Variants in DNM1L observed in about 807,000 individuals in gnomAD.
DNM1L encodes dynamin-1-like protein.
A neutral mutation model predicts 92.8 loss-of-function variants in DNM1L; 33 were observed. The observed-to-expected ratio is 0.36, with a 90% CI of 0.27 to 0.48. DNM1L has a LOEUF of 0.48. Among genes scored for constraint, DNM1L ranks in the 20% least tolerant of loss-of-function variants. DNM1L has a pLI of 0.99. For synonymous variants in DNM1L, 284 were observed against 305.0 expected (o/e 0.93, Z 0.72); for missense variants, 485 against 888.8 (o/e 0.55, Z 5.78).
rs1233977568 is a variant in DNM1L at position 32,737,159 on chromosome 12, A to G, written c.1594A>G (p.Lys532Glu). Reference protein sequence around the residue: ...RELPSAVSRDKSSKVPSALAP... With the variant: ...RELPSAVSRDESSKVPSALAP... ...ATTACCTTCAGCTGTATCACGAGAC[A>G]AGGTAAAAAAATGTTTTTAATGCAT... is the stretch of plus-strand genomic sequence containing the variant. Residue 532 changes from lysine to glutamate, a missense_variant and splice_region_variant, in exon 14 of 20, where the codon AAG becomes GAG. Physicochemically the swap from Lys to Glu is moderately conservative, Grantham distance 56. Coordinates refer to ENST00000549701, the MANE Select transcript of DNM1L (RefSeq NM_012062.5). 6.2e-7 allele frequency: 1 copy of G among 1,613,674 alleles called. No homozygotes were observed. The highest frequency in any genetic ancestry group is 1.7e-5 in the Admixed American group (1 of 60,002).
At chr12:32,736,895 A>T in intron 13 of DNM1L, 1 of 550,792 alleles carries the variant, frequency 1.8e-6, no homozygotes, top group Non-Finnish European at 3.2e-6. Flanking sequence ...TGTATCCTTC[A>T]GGTGTGTGGG....
At chr12:32,738,569 A>G (rs922416594) in intron 16 of DNM1L, among the ~76,000 whole-genome samples, 23 of 152,180 alleles carry the variant, frequency 1.5e-4, no homozygotes, top group African/African-American at 5.1e-4. Context: ...TAGATTTCAG[A>G]GATGGAATTG....
chr12:32,690,991 G>C (rs1235139058), intron 1 of DNM1L, among the ~76,000 whole-genome samples: 1 of 152,186 alleles, frequency 6.6e-6, no homozygotes, highest in East Asian at 1.9e-4. Flanking sequence ...TGTAACTTCT[G>C]TATTAGTTTG....
Position 32,708,177 on chromosome 12 carries a change from C to G in DNM1L, c.322C>G (p.Arg108Gly). Residue 108 changes from arginine to glycine, a missense_variant, in exon 4 of 20, where the codon CGA becomes GGA. Transcript: ENST00000549701. ...NKLYTDFDEI[R>G]QEIENETERI... is the part of the protein sequence containing the mutation. ...GCTTTACACGGATTTTGATGAAATT[C>G]GACAAGAAATTGAAAATGAAACAGA... 1 of 1,604,280 alleles carries G rather than the reference C, an allele frequency of 6.2e-7. No homozygotes were observed. The highest frequency in any genetic ancestry group is 8.5e-7 in the Non-Finnish European group (1 of 1,172,448).
chr12:32,699,181 T>C (rs1306755971), intron 1 of DNM1L, among the ~76,000 whole-genome samples: 1 of 152,196 alleles, frequency 6.6e-6, no homozygotes, highest in Non-Finnish European at 1.5e-5. Context: ...TCTTTGTGTG[T>C]ACATGTAAGG....
intron 1 of DNM1L, among the ~76,000 whole-genome samples, chr12:32,685,357 A>G (rs910527823): frequency 3.3e-5 from 4 of 122,208 alleles, no homozygotes; most frequent in Non-Finnish European, 6.6e-5. Context: ...TAGTGGCTGC[A>G]CCTTTTTTTT....
chr12:32,709,326 A>G (rs1439033410), intron 4 of DNM1L, among the ~76,000 whole-genome samples: 2 of 152,168 alleles, frequency 1.3e-5, no homozygotes, highest in Non-Finnish European at 2.9e-5. Flanking sequence ...TGATCATAAC[A>G]TCAGTCTGAA....
At chr12:32,742,538 G>GTTAAAAGTAGAA in intron 18 of DNM1L, 51 bp from the exon 19 acceptor site, 1 of 1,611,662 alleles carries the variant, frequency 6.2e-7, no homozygotes, top group Middle Eastern at 1.7e-4. Context: ...AGCCCAAATT[G>GTTAAAAGTAGAA]TTAAAAGTAG....
chr12:32,685,438 G>A (rs1429663679), intron 1 of DNM1L, among the ~76,000 whole-genome samples: 1 of 138,006 alleles, frequency 7.2e-6, no homozygotes, highest in Non-Finnish European at 1.5e-5. Flanking sequence ...TTGGCTTACC[G>A]CAACCTCTGC....
intron 6 of DNM1L, among the ~76,000 whole-genome samples, chr12:32,715,460 TG>T (rs1953319279): frequency 6.6e-6 from 1 of 151,934 alleles, no homozygotes; most frequent in Non-Finnish European, 1.5e-5. Context: ...AGGCTGGGCA[TG>T]GTGGCTCACA....
At chr12:32,717,239 T>A (rs1325039285) in intron 6 of DNM1L, among the ~76,000 whole-genome samples, 3 of 106,140 alleles carry the variant, frequency 2.8e-5, no homozygotes, top group African/African-American at 8.0e-5. Context: ...TTATATATAT[T>A]TTATATATAG....
intron 5 of DNM1L, among the ~76,000 whole-genome samples, chr12:32,712,226 C>G (rs1417447651): frequency 6.6e-6 from 1 of 152,062 alleles, no homozygotes; most frequent in South Asian, 2.1e-4. Context: ...GACTTAAAAC[C>G]TCTCCCATTT....
Position 32,731,625 on chromosome 12 carries a change from C to T in DNM1L, c.1356+114C>T, listed in dbSNP as rs1223777659. On this transcript the variant is annotated intron_variant, in intron 11 of 19. Transcript: ENST00000549701. This position sits in a 1 kb window ranked among gnomAD's most constrained non-coding sequence, Gnocchi z 5.1. ...GGGATACAAGGTAAAATCTGTAGTTCCCTTACCTGAAAGTGATTTGAAATA... is the reference window on the plus strand; with the variant it reads ...GGGATACAAGGTAAAATCTGTAGTTTCCTTACCTGAAAGTGATTTGAAATA... The T allele has an allele frequency of 1.1e-5, 15 of 1,339,280 alleles. No individual in the cohort carries two copies. The highest frequency in any genetic ancestry group is 1.5e-5 in the Non-Finnish European group (14 of 958,834). The allele number at this position is 1,339,280 out of a possible 1,614,324, so 83.0% of individuals were successfully genotyped here.
intron 2 of DNM1L, among the ~76,000 whole-genome samples, chr12:32,702,302 T>G (rs1303338961): frequency 6.6e-6 from 1 of 151,652 alleles, no homozygotes; most frequent in Non-Finnish European, 1.5e-5. Flanking sequence ...TTGATTAAAT[T>G]GAAAATATAT....
Position 32,744,837 on chromosome 12 carries a change from A to T in DNM1L, c.*1427A>T. 2.1e-6 allele frequency: 1 copy of T among 485,738 alleles called. No homozygotes were observed. Among genetic ancestry groups the T allele is most frequent in the Non-Finnish European group, 4.1e-6 (1 of 241,518 alleles). The allele number at this position is 485,738 out of a possible 1,614,324, so 30.1% of individuals were successfully genotyped here. A position where few individuals can be genotyped will look rare whatever the true frequency, so the allele number is the denominator to read the frequency against. ...TATACATATTTTGTTAAAATTCCCC[A>T]GATGATTCTTGGTATGAACGACTAT... On this transcript the variant is annotated 3_prime_UTR_variant, in exon 20 of 20. Coordinates refer to ENST00000549701, the MANE Select transcript of DNM1L (RefSeq NM_012062.5).
At chr12:32,712,738 C>A (rs951824977) in intron 5 of DNM1L, among the ~76,000 whole-genome samples, 12 of 151,286 alleles carry the variant, frequency 7.9e-5, no homozygotes, top group African/African-American at 2.9e-4. Context: ...TCCCACAGCC[C>A]TTACCACCAT....
chr12:32,720,067 G>C (rs1953735949), intron 7 of DNM1L, among the ~76,000 whole-genome samples: 1 of 152,076 alleles, frequency 6.6e-6, no homozygotes, highest in Admixed American at 6.6e-5. Flanking sequence ...TGTTTTTACT[G>C]CCTGATACAT....
Position 32,743,749 on chromosome 12 carries a change from G to GTT in DNM1L, c.*340_*341dup. On this transcript the variant is annotated 3_prime_UTR_variant, in exon 20 of 20. Transcript: ENST00000549701. ...TAAGATGACCTGTGTAATAATCTTT[G>GTT]TTAGTAGTCTTAAAGCTGCTGCCAT... 6.6e-6 allele frequency: 2 copies of GTT among 304,200 alleles called. No homozygotes were observed. Among genetic ancestry groups the GTT allele is most frequent in the East Asian group, 1.4e-4 (2 of 14,140 alleles). The allele number at this position is 304,200 out of a possible 1,614,324, so 18.8% of individuals were successfully genotyped here. A position where few individuals can be genotyped will look rare whatever the true frequency, so the allele number is the denominator to read the frequency against.
intron 1 of DNM1L, among the ~76,000 whole-genome samples, chr12:32,697,003 G>A (rs929164521): frequency 1.8e-4 from 27 of 150,120 alleles, no homozygotes; most frequent in African/African-American, 5.6e-4. Context: ...CAAGGTGGGC[G>A]GATCACTTTG....
Sources: gnomAD v4.1 joint callset for allele counts (sites outside exome capture counted in the v4.1 genomes callset) on GRCh38, gnomAD v4.1.1 for gene constraint, Gnocchi (gnomAD v3.1) non-coding constraint, MANE v1.5 for transcripts, NCBI Gene and HGNC (gene_info 2026-07-23, HGNC 2026-07-21) for gene names.